The following RPL12 variants were observed in gnomAD, a reference collection of about 807,000 sequenced individuals.
RPL12 encodes large ribosomal subunit protein uL11.
A neutral mutation model predicts 24.5 loss-of-function variants in RPL12; 10 were observed. The observed-to-expected ratio is 0.41, with a 90% confidence interval of 0.25 to 0.69. The LOEUF (loss-of-function observed/expected upper bound fraction) is 0.69, where lower values mean the gene tolerates loss of function less well. Among genes scored for constraint, RPL12 ranks in the 30% least tolerant of loss-of-function variants. The pLI, the probability that RPL12 is intolerant of heterozygous loss-of-function variation, is 0.33. For missense variants in RPL12, 137 were observed against 205.3 expected, an observed-to-expected ratio of 0.67 and a Z score of 2.03; for synonymous variants, 74 against 76.1, an observed-to-expected ratio of 0.97 and a Z score of 0.14.
intron 3 of RPL12, 122 bp from the exon 4 acceptor site, chr9:127,449,484 A>G (rs1289271505): frequency 6.7e-5 from 86 of 1,292,210 alleles, no homozygotes; most frequent in Non-Finnish European, 8.9e-5. Context: ...CTCTTGACAA[A>G]GCCTCCCCAA....
At chr9:127,448,049 T>C (rs992025204) in intron 5 of RPL12, 60 bp from the exon 6 acceptor site, 8 of 1,514,372 alleles carry the variant, frequency 5.3e-6, no homozygotes, top group Non-Finnish European at 7.1e-6. Flanking sequence ...AATCTGCAGA[T>C]ACTGGGGAAT....
chr9:127,450,099 G>T, intron 2 of RPL12: 1 of 208,758 alleles, frequency 4.8e-6, no homozygotes, highest in Non-Finnish European at 9.8e-6. Context: ...GTAATCCTTA[G>T]CCTCAACAGG....
chr9:127,449,523 T>C, intron 3 of RPL12, 87 bp downstream of exon 3: 1 of 1,372,408 alleles, frequency 7.3e-7, no homozygotes, highest in Non-Finnish European at 1.0e-6. Flanking sequence ...GGCTCACCAC[T>C]GGTGGCAGAA....
rs748357348 is a variant in RPL12, at chr9:127,447,681, G to C, written c.*40C>G. On this transcript the variant is annotated 3_prime_UTR_variant, in exon 7 of 7. Coordinates refer to ENST00000361436, the MANE Select transcript of RPL12 (RefSeq NM_000976.4). The stretch of plus-strand genomic sequence containing the variant: ...AGACGCCACACCAGAAAATCCACCA[G>C]TTGTCAAATGATCCTTTATTGAAAT... 7.4e-6 allele frequency: 12 copies of C among 1,612,384 alleles called. No homozygotes were observed. The highest frequency in any genetic ancestry group is 4.5e-5 in the East Asian group (2 of 44,884).
rs1028349328 is a variant in RPL12 at position 127,451,371 on chromosome 9, T to C, written c.-54A>G. 1.4e-4 allele frequency: 220 copies of C among 1,608,368 alleles called. No individual in the cohort carries two copies. The highest frequency in any genetic ancestry group is 2.2e-4 in the Admixed American group (13 of 59,782). On this transcript the variant is annotated 5_prime_UTR_variant, in exon 1 of 7. Transcript: ENST00000361436. The stretch of plus-strand genomic sequence containing the variant: ...CGGATTCGGGACGACCGAAGGAAGT[T>C]GCACCTTGGCCTCCTCCGAGCCGAA...
Position 127,451,312 on chromosome 9 carries a change from C to G in RPL12, c.6G>C (p.Pro2=), listed in dbSNP as rs1235054041. The change falls in exon 1 of 7, where the codon CCG becomes CCC. Residue 2 remains proline, a synonymous_variant. Transcript: ENST00000361436. The part of the protein sequence containing the change: M[P]PKFDPNEIKV... ...TGATCTCGTTGGGGTCGAACTTCGG[C>G]GGCATGGTGGAGGCGGCTGGTGTCG... 1 of 1,612,662 alleles carries G rather than the reference C, an allele frequency of 6.2e-7. No homozygotes were observed. The highest frequency in any genetic ancestry group is 8.5e-7 in the Non-Finnish European group (1 of 1,179,934).
chr9:127,449,220 C>T (rs1276701503), intron 4 of RPL12, 61 bp downstream of exon 4: 1 of 1,386,918 alleles, frequency 7.2e-7, no homozygotes, highest in East Asian at 2.3e-5. Flanking sequence ...AAAACACAGC[C>T]ACATATATCA....
At chr9:127,449,427 C>T (rs1834229139) in intron 3 of RPL12, 65 bp from the exon 4 acceptor site, 21 of 1,474,626 alleles carry the variant, frequency 1.4e-5, no homozygotes, top group Non-Finnish European at 1.3e-5. Flanking sequence ...CGCTGGCTCT[C>T]AAAAATCATG....
Position 127,449,723 on chromosome 9 carries a change from A to T in RPL12, c.112-15T>A. The T allele has an allele frequency of 6.2e-7, 1 of 1,601,166 alleles. No individual in the cohort carries two copies. Among genetic ancestry groups the T allele is most frequent in the Non-Finnish European group, 8.5e-7 (1 of 1,171,088 alleles). On this transcript the variant is annotated splice_polypyrimidine_tract_variant and intron_variant, in intron 2 of 6. Coordinates refer to ENST00000361436, the MANE Select transcript of RPL12 (RefSeq NM_000976.4). The stretch of plus-strand genomic sequence containing the variant: ...TTTTTTGGAGACTAGAAATAAAGGC[A>T]TGTAATCAACATGGTGTCCAGAGGT...
intron 3 of RPL12, 56 bp from the exon 4 acceptor site, chr9:127,449,418 G>A (rs1195733831): frequency 1.1e-5 from 16 of 1,497,736 alleles, no homozygotes; most frequent in East Asian, 9.0e-5. Context: ...TGCCATGCAC[G>A]CTGGCTCTCA....
intron 4 of RPL12, 87 bp downstream of exon 4, chr9:127,449,194 A>AT: frequency 9.1e-7 from 1 of 1,099,272 alleles, no homozygotes; most frequent in Non-Finnish European, 1.3e-6. Flanking sequence ...TGTCAACCCC[A>AT]GGTTTCCTTT....
At chr9:127,449,871 G>A (rs1834243837) in intron 2 of RPL12, 163 bp from the exon 3 acceptor site, 2 of 632,496 alleles carry the variant, frequency 3.2e-6, no homozygotes, top group East Asian at 5.6e-5. Flanking sequence ...TTGGGGGTTG[G>A]GGTTCTTGTC....
chr9:127,448,089 G>T (rs1435767464), intron 5 of RPL12, 100 bp from the exon 6 acceptor site: 1 of 1,373,154 alleles, frequency 7.3e-7, no homozygotes, highest in Non-Finnish European at 9.9e-7. Flanking sequence ...GGCAATGGAA[G>T]GAATGAGGTT....
rs1185121776 is a variant in RPL12 at position 127,450,806 on chromosome 9, T to TG, written c.38-3dup. The stretch of plus-strand genomic sequence containing the variant: ...CACCTCCGGTGCACCTCAGGTATAC[T>TG]GGGGGAAAAGAAGAGTTAGTGTCTG... On this transcript the variant is annotated splice_polypyrimidine_tract_variant and splice_region_variant and intron_variant, in intron 1 of 6. Coordinates refer to ENST00000361436, the MANE Select transcript of RPL12 (RefSeq NM_000976.4). 3 of 1,561,454 alleles carry TG rather than the reference T, an allele frequency of 1.9e-6. No individual in the cohort carries two copies. The highest frequency in any genetic ancestry group is 2.6e-6 in the Non-Finnish European group (3 of 1,154,870).
chr9:127,450,913 C>G (rs758506310), intron 1 of RPL12, 109 bp from the exon 2 acceptor site: 8 of 883,488 alleles, frequency 9.1e-6, no homozygotes, highest in African/African-American at 1.7e-5. Context: ...CTCGAAACAG[C>G]ACAGAGCGCG....
rs1834228198 is a variant in RPL12 at position 127,449,377 on chromosome 9, C to G, written c.211-15G>C. On this transcript the variant is annotated splice_polypyrimidine_tract_variant and intron_variant, in intron 3 of 6. Coordinates refer to ENST00000361436, the MANE Select transcript of RPL12 (RefSeq NM_000976.4). ...ACCACCTCAATCTGCAGAAGAGATTCCTGAGTGAATACTCCACCTCCAGTG... is the reference window on the plus strand; with the variant it reads ...ACCACCTCAATCTGCAGAAGAGATTGCTGAGTGAATACTCCACCTCCAGTG... The G allele has an allele frequency of 6.2e-7, 1 of 1,604,402 alleles. No individual in the cohort carries two copies. Among genetic ancestry groups the G allele is most frequent in the Non-Finnish European group, 8.5e-7 (1 of 1,177,744 alleles).
intron 1 of RPL12, 163 bp from the exon 2 acceptor site, chr9:127,450,967 ACT>A: frequency 1.5e-6 from 1 of 661,292 alleles, no homozygotes. Context: ...CAGCTCCGAA[ACT>A]CACACCGGGG....
intron 4 of RPL12, 89 bp from the exon 5 acceptor site, chr9:127,448,512 T>A (rs752129262): frequency 2.2e-6 from 2 of 900,108 alleles, no homozygotes; most frequent in South Asian, 2.6e-5. Flanking sequence ...GCTGTTCCCA[T>A]GCTTTCGGCA....
chr9:127,450,286 T>C (rs1429148404), intron 2 of RPL12: 11 of 170,092 alleles, frequency 6.5e-5, no homozygotes, highest in African/African-American at 2.6e-4. Flanking sequence ...AAGCCAGCAG[T>C]TGCTCAGCAG....
Sources: allele counts gnomAD v4.1 joint callset, GRCh38; gene constraint gnomAD v4.1.1; transcripts MANE v1.5; gene names NCBI Gene and HGNC (gene_info 2026-07-23, HGNC 2026-07-21).